Variants in CACNA1S observed in about 807,000 individuals in gnomAD.
CACNA1S encodes voltage-dependent L-type calcium channel subunit alpha-1S.
Under a neutral mutation model 207.4 loss-of-function variants are expected in CACNA1S, and 126 were observed. That is an observed-to-expected ratio of 0.61 (90% CI 0.53 to 0.70). CACNA1S has a LOEUF of 0.70. CACNA1S is among the 30% of genes least tolerant of loss of function. The pLI is 0.00. For synonymous variants in CACNA1S, 960 were observed against 932.7 expected (o/e 1.03, Z -0.53); for missense variants, 2,349 against 2,422.8 (o/e 0.97, Z 0.64).
chr1:201,040,708 G>A lies in CACNA1S; in HGVS notation c.5140C>T (p.His1714Tyr). 1.9e-6 allele frequency: 3 copies of A among 1,613,754 alleles called. No homozygotes were observed. In the East Asian group the frequency reaches 6.7e-5, roughly 36 times the overall value. ...LGQPCRVLGP[H>Y]SKPCVEMLKG... ...AGCATCTCCACACAGGGTTTGCTGT[G>A]GGGTCCTGTATGCAAGAAGGGGCAA... Residue 1714 changes from histidine (H) to tyrosine (Y), a missense_variant, in exon 42 of 44, where the codon CAC becomes TAC. Physicochemically the swap from His to Tyr is moderately conservative, Grantham distance 83. Coordinates refer to ENST00000362061, the MANE Select transcript of CACNA1S (RefSeq NM_000069.3).
chr1:201,088,535 G>C (rs1662113639), intron 6 of CACNA1S, among the ~76,000 whole-genome samples: 1 of 152,130 alleles, frequency 6.6e-6, no homozygotes, highest in Admixed American at 6.5e-5. Flanking sequence ...CACAATAGGC[G>C]GCGTCATATT....
intron 16 of CACNA1S, among the ~76,000 whole-genome samples, chr1:201,071,870 T>C (rs1342048092): frequency 2.0e-5 from 3 of 152,268 alleles, no homozygotes; most frequent in Non-Finnish European, 4.4e-5. Context: ...CAAAATTCTT[T>C]CATGCATTCA....
intron 26 of CACNA1S, 73 bp downstream of exon 26, chr1:201,060,584 GC>G: frequency 6.6e-7 from 1 of 1,519,034 alleles, no homozygotes. Context: ...TGGCTATCCT[GC>G]CCTACTCATC....
chr1:201,083,184 A>T lies in CACNA1S; in HGVS notation c.1371T>A (p.Pro457=), dbSNP rs12742170. ...CACCTTGCAAACGGGTCAGCCAGAG[A>T]GGCTGGTTGTGGTGCTCTGAGGCGA... ...LSIASEHHNQ[P]LWLTRLQDIA... Residue 457 remains proline, a synonymous_variant, in exon 10 of 44, where the codon CCT becomes CCA. Transcript: ENST00000362061. The T allele has an allele frequency of 9.3e-6, 15 of 1,613,716 alleles. No individual in the cohort carries two copies. The highest frequency in any genetic ancestry group is 1.2e-5 in the Non-Finnish European group (14 of 1,179,826).
Position 201,093,686 on chromosome 1 carries a change from G to A in CACNA1S, c.398+196C>T, listed in dbSNP as rs144394485. Among the ~76,000 whole-genome samples the A allele has an allele frequency of 1.4e-4, 21 of 152,286 alleles. 1 individual carries two copies. Among genetic ancestry groups the A allele is most frequent in the Non-Finnish European group, 2.4e-4 (16 of 68,024 alleles). On this transcript the variant is annotated intron_variant, in intron 3 of 43. Transcript: ENST00000362061. ...GAAGGAGATTTGACCTGCGGGCAGGGTCGGGGGCAATGATCCACTCTCCAC... is the reference window on the plus strand; with the variant it reads ...GAAGGAGATTTGACCTGCGGGCAGGATCGGGGGCAATGATCCACTCTCCAC...
chr1:201,051,023 G>C lies in CACNA1S; in HGVS notation c.4074C>G (p.Tyr1358Ter), dbSNP rs1572026309. Residue 1358 changes from tyrosine (Y) to a stop codon, truncating the protein, a stop_gained, in exon 33 of 44, where the codon TAC becomes TAG. Transcript: ENST00000362061. LOFTEE classifies it high-confidence loss of function. ...GCATGTAGAAGCTGATGAAGTAGTA[G>C]TATGCAAAGTTGGTGCCACATGTGT... ...EEYTCGTNFA[Y>*]YYFISFYMLC... 6.2e-7 allele frequency: 1 copy of C among 1,614,238 alleles called. No homozygotes were observed.
At chr1:201,088,046 T>C (rs776741086) in intron 6 of CACNA1S, 117 bp from the exon 7 acceptor site, 305 of 733,746 alleles carry the variant, frequency 4.2e-4, no homozygotes, top group Non-Finnish European at 6.5e-4. Context: ...CGCTGGGATA[T>C]TGAGGGGACA....
At chr1:201,077,357 A>T (rs1029649256) in intron 11 of CACNA1S, among the ~76,000 whole-genome samples, 10 of 152,190 alleles carry the variant, frequency 6.6e-5, no homozygotes, top group Non-Finnish European at 1.0e-4. Flanking sequence ...GATTAACTTT[A>T]GGTCCCATCA....
At chr1:201,052,029 G>A (rs1254545522) in intron 32 of CACNA1S, among the ~76,000 whole-genome samples, 1 of 152,136 alleles carries the variant, frequency 6.6e-6, no homozygotes, top group Non-Finnish European at 1.5e-5. Context: ...GCATTCCACT[G>A]TGGGCCAGGA....
chr1:201,074,739 G>T, intron 13 of CACNA1S, 119 bp from the exon 14 acceptor site: 1 of 733,588 alleles, frequency 1.4e-6, no homozygotes, highest in South Asian at 1.5e-5. Flanking sequence ...CTACCCATGG[G>T]AAGGTGTGGA....
intron 11 of CACNA1S, 106 bp from the exon 12 acceptor site, chr1:201,077,233 G>A (rs1215093580): frequency 3.1e-6 from 3 of 953,558 alleles, no homozygotes; most frequent in Admixed American, 2.0e-5. Flanking sequence ...GTGACACAGA[G>A]GGAGGGGGCT....
intron 2 of CACNA1S, among the ~76,000 whole-genome samples, chr1:201,102,579 C>T (rs552064137): frequency 2.8e-4 from 43 of 152,324 alleles, no homozygotes; most frequent in Middle Eastern, 6.8e-3. Flanking sequence ...ATACCCAACA[C>T]GCATCCCAGT....
Position 201,053,145 on chromosome 1 carries a change from C to G in CACNA1S, c.3861+64G>C, listed in dbSNP as rs1281648198. 6 of 1,563,292 alleles carry G rather than the reference C, an allele frequency of 3.8e-6. No homozygotes were observed. The highest frequency in any genetic ancestry group is 1.8e-6 in the Non-Finnish European group (2 of 1,133,806). ...GTGTGCTGCTCAGGCTCCTCAGGGT[C>G]CACTGATGCCCCCTCTAACTTGGCC... On this transcript the variant is annotated intron_variant, in intron 31 of 43. Coordinates refer to ENST00000362061, the MANE Select transcript of CACNA1S (RefSeq NM_000069.3). The surrounding 1 kb of genome is among the most constrained non-coding windows in gnomAD (Gnocchi z 5.1).
intron 2 of CACNA1S, among the ~76,000 whole-genome samples, chr1:201,105,607 G>T (rs964617594): frequency 1.3e-5 from 2 of 152,242 alleles, no homozygotes; most frequent in Middle Eastern, 3.4e-3. Flanking sequence ...CAGCATCCTG[G>T]ATCCTCCTCT....
chr1:201,086,624 G>A (rs565173326), intron 7 of CACNA1S, among the ~76,000 whole-genome samples: 3 of 152,318 alleles, frequency 2.0e-5, no homozygotes, highest in East Asian at 1.9e-4. Context: ...CAATCTTAGC[G>A]CACCACTGTT....
intron 2 of CACNA1S, among the ~76,000 whole-genome samples, chr1:201,097,532 C>T (rs1662481170): frequency 6.6e-6 from 1 of 152,174 alleles, no homozygotes; most frequent in Non-Finnish European, 1.5e-5. Context: ...CCCTCTGACC[C>T]CCCACAGGGA....
At chr1:201,065,988 G>T in intron 21 of CACNA1S, 43 bp from the exon 22 acceptor site, 1 of 1,390,490 alleles carries the variant, frequency 7.2e-7, no homozygotes, top group Non-Finnish European at 1.0e-6. Flanking sequence ...TGCACCCACA[G>T]TAACCCTGCT....
At chr1:201,107,801 C>A (rs752146247) in intron 2 of CACNA1S, among the ~76,000 whole-genome samples, 57 of 152,298 alleles carry the variant, frequency 3.7e-4, no homozygotes, top group African/African-American at 6.0e-4. Context: ...GGCTGAGCGA[C>A]CTTGGGTATC....
chr1:201,070,035 C>T lies in CACNA1S; in HGVS notation c.2360+237G>A, dbSNP rs1661393754. 2.0e-5 allele frequency among the ~76,000 whole-genome samples: 3 copies of T among 152,236 alleles called. No individual in the cohort carries two copies. In the South Asian group the frequency reaches 6.2e-4, roughly 31 times the overall value. Reference sequence around the variant, plus strand: ...CCCCCTTGACCTGTCTAAAGCTCTTCTCTCAGAAAGGAACCAATAAACAGG... The same window carrying T: ...CCCCCTTGACCTGTCTAAAGCTCTTTTCTCAGAAAGGAACCAATAAACAGG... On this transcript the variant is annotated intron_variant, in intron 17 of 43. Transcript: ENST00000362061.
Sources: gnomAD v4.1 joint callset for allele counts (sites outside exome capture counted in the v4.1 genomes callset) on GRCh38, gnomAD v4.1.1 for gene constraint, Gnocchi (gnomAD v3.1) non-coding constraint, MANE v1.5 for transcripts, NCBI Gene and HGNC (gene_info 2026-07-23, HGNC 2026-07-21) for gene names.